PP2D1: variants seen among roughly 807,000 people sequenced by gnomAD.
The protein encoded by PP2D1 is protein phosphatase 2C-like domain-containing protein 1.
A neutral mutation model predicts 30.2 loss-of-function variants in PP2D1; 25 were observed. That is an observed-to-expected ratio of 0.83 (90% CI 0.60 to 1.16). The LOEUF (loss-of-function observed/expected upper bound fraction) is 1.16. Among genes scored for constraint, PP2D1 ranks in the 50% most tolerant of loss-of-function variants. The pLI, the probability that PP2D1 is intolerant of heterozygous loss-of-function variation, is 0.00. For missense variants in PP2D1, 760 were observed against 742.4 expected (o/e 1.02, Z -0.28); for synonymous variants, 260 against 258.9 (o/e 1.00, Z -0.04).
Position 19,985,405 on chromosome 3 carries a change from C to T in PP2D1, c.1868G>A (p.Gly623Glu). 6.5e-7 allele frequency: 1 copy of T among 1,532,140 alleles called. No homozygotes were observed. The highest frequency in any genetic ancestry group is 2.4e-5 in the East Asian group (1 of 40,834). The allele number at this position is 1,532,140 out of a possible 1,614,324, so 94.9% of individuals were successfully genotyped here. ...TTATGTCAGAAGCTGATATTCACTT[C>T]CATTGAGAAATATTACCATAACTGT... ...NITVMVIFLN[G>E]SEYQLLT is the part of the protein sequence containing the mutation. Residue 623 changes from glycine to glutamate, a missense_variant, in exon 3 of 3, where the codon GGA (glycine) becomes GAA (glutamate). Gly to Glu is a moderately conservative substitution (Grantham distance 98, BLOSUM62 -2). Coordinates refer to ENST00000389050, the MANE Select transcript of PP2D1 (RefSeq NM_001252657.2).
chr3:19,993,680 C>T (rs1169628434), intron 2 of PP2D1, among the ~76,000 whole-genome samples: 6 of 151,510 alleles, frequency 4.0e-5, no homozygotes, highest in Non-Finnish European at 7.4e-5. Context: ...GTGGAGGTTG[C>T]AGTGAGCCAA....
chr3:20,000,775 C>T (rs1697240389), intron 2 of PP2D1, among the ~76,000 whole-genome samples: 1 of 152,192 alleles, frequency 6.6e-6, no homozygotes, highest in Non-Finnish European at 1.5e-5. Flanking sequence ...TGTGTTGCTA[C>T]CCCTTTGGGA....
At chr3:19,987,576 A>T (rs1443136216) in intron 2 of PP2D1, among the ~76,000 whole-genome samples, 1 of 152,096 alleles carries the variant, frequency 6.6e-6, no homozygotes, top group East Asian at 1.9e-4. Context: ...GAGGAGTTCA[A>T]TTCTAGGCCC....
At chr3:20,011,107 C>T (rs144985092) in intron 1 of PP2D1, among the ~76,000 whole-genome samples, 60 of 152,136 alleles carry the variant, frequency 3.9e-4, no homozygotes, top group Non-Finnish European at 8.1e-4. Flanking sequence ...ACAGCTGAGA[C>T]ATATTAGCAA....
At chr3:19,999,925 C>T (rs1366894921) in intron 2 of PP2D1, among the ~76,000 whole-genome samples, 1 of 152,144 alleles carries the variant, frequency 6.6e-6, no homozygotes, top group Admixed American at 6.6e-5. Context: ...ATGCACTTAG[C>T]TTTCTTGGTA....
At chr3:20,006,673 G>A (rs930061723) in intron 1 of PP2D1, among the ~76,000 whole-genome samples, 2 of 152,120 alleles carry the variant, frequency 1.3e-5, no homozygotes, top group Admixed American at 6.6e-5. Context: ...TGTTGGCCAA[G>A]CTGGTCTTGA....
intron 1 of PP2D1, among the ~76,000 whole-genome samples, chr3:20,009,219 T>C (rs961141116): frequency 1.3e-5 from 2 of 152,094 alleles, no homozygotes; most frequent in African/African-American, 4.8e-5. Flanking sequence ...CTCAACACTT[T>C]GGGAGGCTGA....
At chr3:19,991,329 G>C (rs951793333) in intron 2 of PP2D1, among the ~76,000 whole-genome samples, 2 of 152,142 alleles carry the variant, frequency 1.3e-5, no homozygotes, top group Admixed American at 6.5e-5. Context: ...AGTGAACTCT[G>C]GAATCCCAAC....
chr3:20,000,585 A>G (rs1251173974), intron 2 of PP2D1, among the ~76,000 whole-genome samples: 1 of 152,240 alleles, frequency 6.6e-6, no homozygotes, highest in African/African-American at 2.4e-5. Flanking sequence ...TTGGCCAGTG[A>G]GCATGAGAAT....
Position 20,001,323 on chromosome 3 carries a change from A to C in PP2D1, c.797T>G (p.Phe266Cys). 6.5e-7 allele frequency: 1 copy of C among 1,535,536 alleles called. No homozygotes were observed. The highest frequency in any genetic ancestry group is 8.7e-7 in the Non-Finnish European group (1 of 1,146,404). ...TGCTTCTGTTTTGTTTATGGCAGAAAAGAGGTCTTCTATTGCTGCGTATTC... is the reference window on the plus strand; with the variant it reads ...TGCTTCTGTTTTGTTTATGGCAGAACAGAGGTCTTCTATTGCTGCGTATTC... ...REEYAAIEDL[F>C]SAINKTEAVR... Residue 266 changes from phenylalanine to cysteine, a missense_variant, in exon 2 of 3, where the codon TTT (phenylalanine) becomes TGT (cysteine). Around this residue, in one of 3 missense-constraint regions of PP2D1, gnomAD observed 374 missense variants for 388.8 expected, o/e 0.96. Transcript: ENST00000389050.
chr3:20,002,650 T>C (rs1188586629), intron 1 of PP2D1, among the ~76,000 whole-genome samples: 2 of 152,232 alleles, frequency 1.3e-5, no homozygotes, highest in Admixed American at 6.5e-5. Flanking sequence ...CCAGGCACGG[T>C]GGCTCACGCC....
chr3:20,002,784 G>A (rs907472270), intron 1 of PP2D1, among the ~76,000 whole-genome samples: 2 of 152,028 alleles, frequency 1.3e-5, no homozygotes, highest in Admixed American at 6.6e-5. Flanking sequence ...GTTCGGGCGC[G>A]GTGGCTCACA....
Position 20,001,906 on chromosome 3 carries a change from C to T in PP2D1, c.214G>A (p.Glu72Lys), listed in dbSNP as rs200467556. The change falls in exon 2 of 3, where the codon GAA becomes AAA. Residue 72 changes from glutamate (E) to lysine (K), a missense_variant. Transcript: ENST00000389050. ...AGAAAAATACCAGTTAGGTCAATTT[C>T]GTGCTTGCATATGGAACAGGGTAAT... The part of the protein sequence containing the change: ...TTLPCSICKH[E>K]IDLTGIFLHK... The T allele has an allele frequency of 3.9e-6, 6 of 1,536,264 alleles. No homozygotes were observed. Among genetic ancestry groups the T allele is most frequent in the South Asian group, 1.2e-5 (1 of 84,056 alleles).
At chr3:19,983,828 C>G, downstream of PP2D1, 1 of 1,536,012 alleles carries the variant, frequency 6.5e-7, no homozygotes, top group Non-Finnish European at 9.0e-7. Context: ...AACTAAACCT[C>G]TAGTTTGAAC....
intron 2 of PP2D1, among the ~76,000 whole-genome samples, chr3:19,990,270 C>T (rs930809200): frequency 3.9e-5 from 6 of 152,046 alleles, no homozygotes; most frequent in African/African-American, 7.2e-5. Flanking sequence ...CTCAGCCTCC[C>T]GAGAGCTGGG....
chr3:20,012,104 CT>C lies in PP2D1; in HGVS notation c.-33del. ...TTGGAATTACCTTTCTTTGCCCTCC[CT>C]TTATCCCCTTCCCCTGGCCTCTATT... On this transcript the variant is annotated 5_prime_UTR_variant, in exon 1 of 3. Coordinates refer to ENST00000389050, the MANE Select transcript of PP2D1 (RefSeq NM_001252657.2). The C allele has an allele frequency of 6.6e-7, 1 of 1,517,394 alleles. No homozygotes were observed. Among genetic ancestry groups the C allele is most frequent in the Non-Finnish European group, 8.8e-7 (1 of 1,131,776 alleles). The allele number at this position is 1,517,394 out of a possible 1,614,324, so 94.0% of individuals were successfully genotyped here. A position where few individuals can be genotyped will look rare whatever the true frequency, so the allele number is the denominator to read the frequency against.
downstream of PP2D1, among the ~76,000 whole-genome samples, chr3:19,980,519 A>ATTGAT (rs1696905021): frequency 6.6e-6 from 1 of 151,534 alleles, no homozygotes; most frequent in Non-Finnish European, 1.5e-5. Flanking sequence ...CAGTGCACTC[A>ATTGAT]TAACAACTCT....
intron 1 of PP2D1, among the ~76,000 whole-genome samples, chr3:20,003,275 C>G (rs1697277902): frequency 6.6e-6 from 1 of 151,686 alleles, no homozygotes; most frequent in African/African-American, 2.4e-5. Flanking sequence ...ACATAGATGA[C>G]AACTCCGTGT....
At chr3:19,985,208 A>G, downstream of PP2D1, 1 of 551,200 alleles carries the variant, frequency 1.8e-6, no homozygotes, top group Admixed American at 3.7e-5. Flanking sequence ...TTTTTTTGGC[A>G]TAAAACAGTG....
Sources: allele counts gnomAD v4.1 joint callset (sites outside exome capture counted in the v4.1 genomes callset), GRCh38; gene constraint gnomAD v4.1.1; regional missense constraint gnomAD v4.1.1; transcripts MANE v1.5; gene names NCBI Gene and HGNC (gene_info 2026-07-23, HGNC 2026-07-21).